MAP2K5: variants seen among roughly 807,000 people sequenced by gnomAD.
The protein encoded by MAP2K5 is mitogen-activated protein kinase kinase 5.
A neutral mutation model predicts 83.1 loss-of-function variants in MAP2K5; 49 were observed. The ratio of observed to expected loss-of-function variants is 0.59; its 90% CI spans 0.47 to 0.75. The LOEUF is 0.75. Ranked by LOEUF, MAP2K5 falls within the 30% of genes least tolerant of loss-of-function variation. The pLI is 0.00. For synonymous variants in MAP2K5, 202 were observed against 191.8 expected (o/e 1.05, Z -0.44); for missense variants, 457 against 557.5 (o/e 0.82, Z 1.82).
chr15:67,682,222 AT>A (rs61439988), intron 13 of MAP2K5, among the ~76,000 whole-genome samples: 1,602 of 142,186 alleles, frequency 0.011, 12 homozygotes, highest in African/African-American at 0.026. Flanking sequence ...TTCTAGAGCT[AT>A]TTTTTTTTTT....
At chr15:67,631,506 C>T (rs1351807525) in intron 9 of MAP2K5, among the ~76,000 whole-genome samples, 2 of 152,168 alleles carry the variant, frequency 1.3e-5, no homozygotes, top group Non-Finnish European at 2.9e-5. Context: ...TGACTGCCTT[C>T]CTCAATCATG....
At chr15:67,557,233 A>G (rs1243506807) in intron 2 of MAP2K5, among the ~76,000 whole-genome samples, 1 of 152,212 alleles carries the variant, frequency 6.6e-6, no homozygotes, top group Non-Finnish European at 1.5e-5. Context: ...CATTTTCTCT[A>G]GAGAAGTAAC....
At position 67,758,288 on chromosome 15, in the gene MAP2K5, A is replaced by G. The variant is rs1228099391; in HGVS notation, c.1134+9687A>G. ...CTAACTGCATTTGGTAAATAACTAG[A>G]TATAAGGGAGGGTAGGGAGGTAGGG... On this transcript the variant is annotated intron_variant, in intron 19 of 21. Coordinates refer to ENST00000178640, the MANE Select transcript of MAP2K5 (RefSeq NM_145160.3). This position sits in a 1 kb window ranked among gnomAD's most constrained non-coding sequence, Gnocchi z 4.7. Among the ~76,000 whole-genome samples the G allele has an allele frequency of 6.6e-6, 1 of 152,074 alleles. No homozygotes were observed. Among genetic ancestry groups the G allele is most frequent in the East Asian group, 1.9e-4 (1 of 5,194 alleles).
chr15:67,594,648 A>T (rs1030667257), intron 7 of MAP2K5, among the ~76,000 whole-genome samples: 2 of 152,216 alleles, frequency 1.3e-5, no homozygotes, highest in African/African-American at 2.4e-5. Context: ...GGCTTCAGTT[A>T]TGAGGTTCTC....
intron 16 of MAP2K5, among the ~76,000 whole-genome samples, chr15:67,714,070 G>A (rs1193977899): frequency 6.6e-6 from 1 of 152,088 alleles, no homozygotes; most frequent in Admixed American, 6.5e-5. Flanking sequence ...TGTCAAACAC[G>A]TTATTAAGTG....
chr15:67,622,040 C>T (rs551392112), intron 8 of MAP2K5, among the ~76,000 whole-genome samples: 58 of 151,240 alleles, frequency 3.8e-4, no homozygotes, highest in African/African-American at 1.2e-3. Flanking sequence ...AAAAATTAGC[C>T]GGGCATGGTG....
intron 8 of MAP2K5, among the ~76,000 whole-genome samples, chr15:67,612,297 C>G (rs2085943261): frequency 1.3e-5 from 2 of 152,042 alleles, no homozygotes; most frequent in Non-Finnish European, 2.9e-5. Context: ...AGAATAACAC[C>G]TTCCCTTGAC....
intron 16 of MAP2K5, among the ~76,000 whole-genome samples, chr15:67,706,717 A>G (rs2088563212): frequency 2.0e-5 from 3 of 152,164 alleles, no homozygotes. Flanking sequence ...ACCCCCACAC[A>G]ACATGTTACC....
At chr15:67,666,001 C>T (rs1164605537) in intron 13 of MAP2K5, among the ~76,000 whole-genome samples, 1 of 152,158 alleles carries the variant, frequency 6.6e-6, no homozygotes, top group Non-Finnish European at 1.5e-5. Context: ...TAAGAATTAA[C>T]CCAATGGTCA....
Position 67,636,061 on chromosome 15 carries a change from A to G in MAP2K5, c.585+5134A>G, listed in dbSNP as rs1010779488. Among the ~76,000 whole-genome samples the G allele has an allele frequency of 3.3e-5, 5 of 151,990 alleles. No homozygotes were observed. The highest frequency in any genetic ancestry group is 2.1e-4 in the South Asian group (1 of 4,822). On this transcript the variant is annotated intron_variant, in intron 9 of 21. Coordinates refer to ENST00000178640, the MANE Select transcript of MAP2K5 (RefSeq NM_145160.3). This position sits in a 1 kb window ranked among gnomAD's most constrained non-coding sequence, Gnocchi z 4.7. ...TCAAGCAATCCACCCGCCTCCACCT[A>G]TCAAAGTGCTGGGATTACAGGTGTG...
At position 67,775,074 on chromosome 15, in the gene MAP2K5, C is replaced by T. The variant is rs1040235043; in HGVS notation, c.1242+2322C>T. ...ACTGGTGGGCTAGATCACCCTTACT[C>T]CTGGGTCTGGGCCATGCAGAGTGGG... is the stretch of plus-strand genomic sequence containing the variant. On this transcript the variant is annotated intron_variant, in intron 21 of 21. Coordinates refer to ENST00000178640, the MANE Select transcript of MAP2K5 (RefSeq NM_145160.3). The surrounding 1 kb of genome is among the most constrained non-coding windows in gnomAD (Gnocchi z 5.3). 3.3e-5 allele frequency among the ~76,000 whole-genome samples: 5 copies of T among 152,204 alleles called. No homozygotes were observed. Among genetic ancestry groups the T allele is most frequent in the Admixed American group, 3.3e-4 (5 of 15,286 alleles).
rs79545497 is a variant in MAP2K5, at chr15:67,586,856, G to A, written c.374G>A (p.Arg125Gln). The change falls in exon 6 of 22, where the codon CGG becomes CAG. Residue 125 changes from arginine (R) to glutamine (Q), a missense_variant. Physicochemically the swap from Arg to Gln is conservative, Grantham distance 43. Around this residue, in one of 3 missense-constraint regions of MAP2K5, gnomAD observed 234 missense variants for 243.6 expected, o/e 0.96. Coordinates refer to ENST00000178640, the MANE Select transcript of MAP2K5 (RefSeq NM_145160.3). ...TTTCTTTACTTATAGGTGAATACTC[G>A]GGCCGGACCCTCTCAACACAGCAGC... is the stretch of plus-strand genomic sequence containing the variant. ...RNIHGLKVNT[R>Q]AGPSQHSSPA... 3.6e-5 allele frequency: 58 copies of A among 1,613,930 alleles called. No homozygotes were observed. The highest frequency in any genetic ancestry group is 1.6e-4 in the Middle Eastern group (1 of 6,084).
rs529811664 is a variant in MAP2K5, at chr15:67,789,133, T to C, written c.1242+16381T>C. On this transcript the variant is annotated intron_variant, in intron 21 of 21. Coordinates refer to ENST00000178640, the MANE Select transcript of MAP2K5 (RefSeq NM_145160.3). The stretch of plus-strand genomic sequence containing the variant: ...TTTTTAATTCTTTTTATTCTGCACC[T>C]TGCTTTTTTACTTAGTGAGTCATTG... 2.0e-5 allele frequency among the ~76,000 whole-genome samples: 3 copies of C among 152,314 alleles called. No homozygotes were observed. In the South Asian group the frequency reaches 6.2e-4, roughly 32 times the overall value.
At position 67,780,577 on chromosome 15, in the gene MAP2K5, A is replaced by G. The variant is rs1229506911; in HGVS notation, c.1242+7825A>G. ...ACTCAGAGTAAAGCTGAAGAAACTA[A>G]TCCAAGAACAAGCAATCCCTGGACA... On this transcript the variant is annotated intron_variant, in intron 21 of 21. Transcript: ENST00000178640. The surrounding 1 kb of genome is among the most constrained non-coding windows in gnomAD (Gnocchi z 5.0). 6.6e-6 allele frequency among the ~76,000 whole-genome samples: 1 copy of G among 152,220 alleles called. No homozygotes were observed.
rs2141285741 is a variant in MAP2K5 at position 67,757,940 on chromosome 15, GTT to G, written c.1134+9340_1134+9341del. 6.6e-6 allele frequency among the ~76,000 whole-genome samples: 1 copy of G among 152,242 alleles called. No homozygotes were observed. Among genetic ancestry groups the G allele is most frequent in the South Asian group, 2.1e-4 (1 of 4,822 alleles). On this transcript the variant is annotated intron_variant, in intron 19 of 21. Coordinates refer to ENST00000178640, the MANE Select transcript of MAP2K5 (RefSeq NM_145160.3). The surrounding 1 kb of genome is among the most constrained non-coding windows in gnomAD (Gnocchi z 4.9). Reference sequence around the variant, plus strand: ...GGAGACTGAAGGATAGCCAATAAGAGTTAGCCTTGGAGAGATCTGAGGCCCCT... The same window carrying G: ...GGAGACTGAAGGATAGCCAATAAGAGAGCCTTGGAGAGATCTGAGGCCCCT...
intron 17 of MAP2K5, among the ~76,000 whole-genome samples, chr15:67,729,630 G>T (rs1471548593): frequency 6.6e-6 from 1 of 151,958 alleles, no homozygotes; most frequent in East Asian, 1.9e-4. Context: ...AAAAAAATTA[G>T]CCGGGCGTGG....
At chr15:67,713,702 C>T (rs1179853613) in intron 16 of MAP2K5, among the ~76,000 whole-genome samples, 1 of 151,884 alleles carries the variant, frequency 6.6e-6, no homozygotes, top group Non-Finnish European at 1.5e-5. Flanking sequence ...CGCCACTGCA[C>T]TCCAGCCTGG....
Position 67,769,784 on chromosome 15 carries a change from G to A in MAP2K5, c.1196+121G>A, listed in dbSNP as rs897940562. The A allele has an allele frequency of 3.4e-5, 30 of 894,812 alleles. No homozygotes were observed. The East Asian group carries it at 7.2e-4, about 21-fold the overall frequency. The allele number at this position is 894,812 out of a possible 1,614,324, so 55.4% of individuals were successfully genotyped here. A position where few individuals can be genotyped will look rare whatever the true frequency, so the allele number is the denominator to read the frequency against. ...TTTTGGAGACAGGAGGGACTTCGGG[G>A]CCTTGGGCAGATGGGGCAGCAAAGC... On this transcript the variant is annotated intron_variant, in intron 20 of 21. Transcript: ENST00000178640. The surrounding 1 kb of genome is among the most constrained non-coding windows in gnomAD (Gnocchi z 5.2).
rs944097340 is a variant in MAP2K5 at position 67,777,264 on chromosome 15, C to T, written c.1242+4512C>T. On this transcript the variant is annotated intron_variant, in intron 21 of 21. Transcript: ENST00000178640. This position sits in a 1 kb window ranked among gnomAD's most constrained non-coding sequence, Gnocchi z 6.0. ...GCCTGATTGTGGGCCTTAACTTGAACGGGGAAGGTGTGGGCTGTGGGCACC... is the reference window on the plus strand; with the variant it reads ...GCCTGATTGTGGGCCTTAACTTGAATGGGGAAGGTGTGGGCTGTGGGCACC... Among the ~76,000 whole-genome samples the T allele has an allele frequency of 6.6e-5, 10 of 152,144 alleles. No homozygotes were observed. Among genetic ancestry groups the T allele is most frequent in the African/African-American group, 2.2e-4 (9 of 41,438 alleles).
Sources: gnomAD v4.1 joint callset for allele counts (sites outside exome capture counted in the v4.1 genomes callset) on GRCh38, gnomAD v4.1.1 for gene constraint, gnomAD v4.1.1 regional missense constraint, Gnocchi (gnomAD v3.1) non-coding constraint, MANE v1.5 for transcripts, NCBI Gene and HGNC (gene_info 2026-07-23, HGNC 2026-07-21) for gene names.